Variants in ETV3 observed in about 807,000 individuals in gnomAD.
ETV3 encodes the protein ETS variant transcription factor 3.
In ETV3, 8 loss-of-function variants were observed where a neutral mutation model predicts 33.0. That is an observed-to-expected ratio of 0.24 (90% CI 0.14 to 0.44). The LOEUF is 0.44. ETV3 is among the 20% of genes least tolerant of loss of function. The probability of loss-of-function intolerance (pLI) is 1.00; values close to 1 mark genes in which losing one functional copy is unlikely to be tolerated. For synonymous variants in ETV3, 222 were observed against 238.9 expected (o/e 0.93, Z 0.65); for missense variants, 473 against 652.3 (o/e 0.73, Z 2.99).
chr1:157,127,697 T>A (rs576451843), intron 4 of ETV3, among the ~76,000 whole-genome samples: 1 of 151,628 alleles, frequency 6.6e-6, no homozygotes, highest in African/African-American at 2.4e-5. Context: ...AGGTGTGTGC[T>A]ACCATGCCCG....
intron 4 of ETV3, among the ~76,000 whole-genome samples, chr1:157,126,750 G>GCTTGGGCCAAGGCCCCATT (rs1674846913): frequency 6.8e-6 from 1 of 146,454 alleles, no homozygotes; most frequent in African/African-American, 2.5e-5. Context: ...GGCTGACTGT[G>GCTTGGGCCAAGGCCCCATT]CGGAGGGGCA....
chr1:157,135,781 A>G, intron 2 of ETV3, 73 bp from the exon 3 acceptor site: 1 of 1,409,820 alleles, frequency 7.1e-7, no homozygotes, highest in Non-Finnish European at 9.9e-7. Flanking sequence ...CCAACTGCAC[A>G]TTCCACTGCT....
rs909516367 is a variant in ETV3, at chr1:157,121,992, T to C, written c.*2849A>G. Reference sequence around the variant, plus strand: ...AGATATTTACTGTTTTCTTTTTCTATAGCTAAAAAAGCAAACTTTACACGA... The same window carrying C: ...AGATATTTACTGTTTTCTTTTTCTACAGCTAAAAAAGCAAACTTTACACGA... On this transcript the variant is annotated 3_prime_UTR_variant, in exon 5 of 5. Transcript: ENST00000368192. 3 of 152,242 alleles carry C rather than the reference T, an allele frequency of 2.0e-5. No individual in the cohort carries two copies. The highest frequency in any genetic ancestry group is 7.2e-5 in the African/African-American group (3 of 41,466). 9.4% of individuals were successfully genotyped at this position (152,242 alleles called of 1,614,324 possible). A position where few individuals can be genotyped will look rare whatever the true frequency, so the allele number is the denominator to read the frequency against.
rs1398026725 is a variant in ETV3, at chr1:157,125,380, T to C, written c.1000A>G (p.Met334Val). 1 of 1,551,936 alleles carries C rather than the reference T, an allele frequency of 6.4e-7. No individual in the cohort carries two copies. Among genetic ancestry groups the C allele is most frequent in the South Asian group, 1.2e-5 (1 of 84,058 alleles). Residue 334 changes from methionine to valine, a missense_variant, in exon 5 of 5, where the codon ATG becomes GTG. Physicochemically the swap from Met to Val is conservative, Grantham distance 21. Coordinates refer to ENST00000368192, the MANE Select transcript of ETV3 (RefSeq NM_001145312.3). The surrounding 1 kb of genome is among the most constrained non-coding windows in gnomAD (Gnocchi z 4.0). ...GLMVPPLQCQ[M>V]HPEESTQFSI... ...AACTGAGTTGACTCCTCAGGATGCATTTGGCACTGCAGTGGTGGAACCATG... is the reference window on the plus strand; with the variant it reads ...AACTGAGTTGACTCCTCAGGATGCACTTGGCACTGCAGTGGTGGAACCATG...
At chr1:157,134,312 T>C in intron 3 of ETV3, 85 bp from the exon 4 acceptor site, 1 of 1,521,602 alleles carries the variant, frequency 6.6e-7, no homozygotes. Flanking sequence ...GACCAACAAT[T>C]CTTGCTCTGA....
chr1:157,125,504 G>A lies in ETV3; in HGVS notation c.876C>T (p.Ser292=). 2 of 1,552,224 alleles carry A rather than the reference G, an allele frequency of 1.3e-6. No homozygotes were observed. Among genetic ancestry groups the A allele is most frequent in the South Asian group, 2.4e-5 (2 of 84,060 alleles). Residue 292 remains serine (S), a synonymous_variant, in exon 5 of 5, where the codon TCC becomes TCT. Coordinates refer to ENST00000368192, the MANE Select transcript of ETV3 (RefSeq NM_001145312.3). The surrounding 1 kb of genome is among the most constrained non-coding windows in gnomAD (Gnocchi z 4.0). The part of the protein sequence containing the change: ...LSPFTSSSCF[S]FNPEEMKHYL... ...AGTGTTTCATTTCCTCAGGGTTGAA[G>A]GAGAAGCAGCTGCTGCTGGTGAAAG... is the stretch of plus-strand genomic sequence containing the variant.
rs767954954 is a variant in ETV3, at chr1:157,134,033, T to C, written c.400+79A>G. 44 of 1,570,264 alleles carry C rather than the reference T, an allele frequency of 2.8e-5. 1 individual carries two copies. The Middle Eastern group carries it at 3.9e-3, about 139-fold the overall frequency. ...AGTGTTTCTAAAATCTTCCTAAACA[T>C]GCCATGTCTTAGATTTGGATTTTTA... On this transcript the variant is annotated intron_variant, in intron 4 of 4. Transcript: ENST00000368192.
At chr1:157,132,087 T>A (rs865817851) in intron 4 of ETV3, among the ~76,000 whole-genome samples, 2 of 152,200 alleles carry the variant, frequency 1.3e-5, no homozygotes, top group South Asian at 2.1e-4. Flanking sequence ...CTTGGCCTCC[T>A]GAGTAGCTAG....
intron 4 of ETV3, among the ~76,000 whole-genome samples, chr1:157,126,639 T>C (rs1288102969): frequency 6.6e-6 from 1 of 152,256 alleles, no homozygotes; most frequent in African/African-American, 2.4e-5. Flanking sequence ...AATACAGATA[T>C]ATTTCGAGAT....
intron 1 of ETV3, among the ~76,000 whole-genome samples, chr1:157,137,694 C>T (rs1294643181): frequency 2.6e-5 from 4 of 152,036 alleles, no homozygotes; most frequent in African/African-American, 9.7e-5. Flanking sequence ...GATGCGCTGT[C>T]AGATCGCGAG....
chr1:157,133,364 C>T (rs1675018779), intron 4 of ETV3: 1 of 983,362 alleles, frequency 1.0e-6, no homozygotes, highest in African/African-American at 1.8e-5. Flanking sequence ...ATATACTGCT[C>T]AGATAAGGGG....
rs879643455 is a variant in ETV3 at position 157,123,981 on chromosome 1, A to G, written c.*860T>C. 6.6e-6 allele frequency: 1 copy of G among 152,170 alleles called. No individual in the cohort carries two copies. The highest frequency in any genetic ancestry group is 1.5e-5 in the Non-Finnish European group (1 of 68,026). 9.4% of individuals were successfully genotyped at this position (152,170 alleles called of 1,614,324 possible). On this transcript the variant is annotated 3_prime_UTR_variant, in exon 5 of 5. Coordinates refer to ENST00000368192, the MANE Select transcript of ETV3 (RefSeq NM_001145312.3). ...TTGTTTTTCATCTGTTTTGTATTTA[A>G]AGGCATTGGGTTACTTCCTCCTGCC...
Position 157,122,313 on chromosome 1 carries a change from C to T in ETV3, c.*2528G>A, listed in dbSNP as rs1399405834. The T allele has an allele frequency of 6.6e-6, 1 of 152,094 alleles. No homozygotes were observed. The highest frequency in any genetic ancestry group is 1.5e-5 in the Non-Finnish European group (1 of 68,034). 9.4% of individuals were successfully genotyped at this position (152,094 alleles called of 1,614,324 possible). On this transcript the variant is annotated 3_prime_UTR_variant, in exon 5 of 5. Transcript: ENST00000368192. ...TTCCCTGGCCCACTTCCTGAGCAAC[C>T]CCAGGTTCGGCTCTGTATAAGGACC... is the stretch of plus-strand genomic sequence containing the variant.
rs375508151 is a variant in ETV3 at position 157,125,600 on chromosome 1, A to G, written c.780T>C (p.Asn260=). 2 of 1,551,676 alleles carry G rather than the reference A, an allele frequency of 1.3e-6. No individual in the cohort carries two copies. Among genetic ancestry groups the G allele is most frequent in the African/African-American group, 2.7e-5 (2 of 73,028 alleles). Residue 260 remains asparagine (N), a synonymous_variant, in exon 5 of 5, where the codon AAT becomes AAC. Coordinates refer to ENST00000368192, the MANE Select transcript of ETV3 (RefSeq NM_001145312.3). This position sits in a 1 kb window ranked among gnomAD's most constrained non-coding sequence, Gnocchi z 4.0. The part of the protein sequence containing the change: ...SPIPGRGGVL[N]VPISPALSLT... ...GGGAGAGGGCTGGTGAAATGGGGAC[A>G]TTAAGGACACCTCCGCGGCCAGGGA...
chr1:157,123,239 G>A lies in ETV3; in HGVS notation c.*1602C>T, dbSNP rs1269612471. The A allele has an allele frequency of 6.6e-6, 1 of 152,198 alleles. No individual in the cohort carries two copies. The highest frequency in any genetic ancestry group is 1.5e-5 in the Non-Finnish European group (1 of 68,050). 9.4% of individuals were successfully genotyped at this position (152,198 alleles called of 1,614,324 possible). A position where few individuals can be genotyped will look rare whatever the true frequency, so the allele number is the denominator to read the frequency against. ...ATCTGAGCCACAGTCAGGTACCAAT[G>A]TACACGACATAGGCACATGTGCAAA... is the stretch of plus-strand genomic sequence containing the variant. On this transcript the variant is annotated 3_prime_UTR_variant, in exon 5 of 5. Transcript: ENST00000368192.
intron 4 of ETV3, among the ~76,000 whole-genome samples, chr1:157,126,529 T>C (rs1674840792): frequency 1.3e-5 from 2 of 152,228 alleles, no homozygotes; most frequent in Admixed American, 1.3e-4. Context: ...ACATTTAAGA[T>C]AGAAAATAAT....
intron 4 of ETV3, among the ~76,000 whole-genome samples, chr1:157,126,994 C>A (rs2103200337): frequency 6.6e-6 from 1 of 151,282 alleles, no homozygotes; most frequent in South Asian, 2.1e-4. Context: ...CCCTGGCTGA[C>A]TGTGGGGAGG....
At chr1:157,133,267 G>A in intron 4 of ETV3, 1 of 281,840 alleles carries the variant, frequency 3.5e-6, no homozygotes, top group Non-Finnish European at 5.4e-6. Flanking sequence ...ATACATATGA[G>A]TGGGGTTAAG....
rs746960246 is a variant in ETV3 at position 157,134,119 on chromosome 1, C to A, written c.393G>T (p.Arg131=). The A allele has an allele frequency of 2.5e-6, 4 of 1,613,532 alleles. No individual in the cohort carries two copies. In the South Asian group the frequency reaches 4.4e-5, roughly 18 times the overall value. The change falls in exon 4 of 5, where the codon CGG becomes CGT. Residue 131 remains arginine, a synonymous_variant. Coordinates refer to ENST00000368192, the MANE Select transcript of ETV3 (RefSeq NM_001145312.3). Reference sequence around the variant, plus strand: ...AAAGAGTTTGTATCTTACCACTTGACCGAATGTTGATGAATGGGTAGTTGG... The same window carrying A: ...AAAGAGTTTGTATCTTACCACTTGAACGAATGTTGATGAATGGGTAGTTGG... ...VMPNYPFINI[R]SSGVVPQSAP...
Sources: allele counts gnomAD v4.1 joint callset (sites outside exome capture counted in the v4.1 genomes callset), GRCh38; gene constraint gnomAD v4.1.1; non-coding constraint Gnocchi (gnomAD v3.1); transcripts MANE v1.5; gene names NCBI Gene and HGNC (gene_info 2026-07-23, HGNC 2026-07-21).